Variants in DNM2 observed in about 807,000 individuals in gnomAD.
DNM2 encodes dynamin 2.
In DNM2, 15 loss-of-function variants were observed where a neutral mutation model predicts 99.0. The ratio of observed to expected loss-of-function variants is 0.15; its 90% CI spans 0.10 to 0.23. The LOEUF is 0.23. Among genes scored for constraint, DNM2 ranks in the 10% least tolerant of loss-of-function variants. DNM2 has a pLI of 1.00. For missense variants in DNM2, 742 were observed against 1,189.4 expected (o/e 0.62, Z 5.53); for synonymous variants, 525 against 481.2 (o/e 1.09, Z -1.19).
chr19:10,787,774 G>A (rs1159295653), intron 7 of DNM2, among the ~76,000 whole-genome samples: 1 of 132,888 alleles, frequency 7.5e-6, no homozygotes, highest in Non-Finnish European at 1.6e-5. Flanking sequence ...AAAAAAAATT[G>A]CAAAATTATC....
At chr19:10,740,983 G>A (rs2069723845) in intron 1 of DNM2, among the ~76,000 whole-genome samples, 2 of 152,106 alleles carry the variant, frequency 1.3e-5, no homozygotes, top group African/African-American at 4.8e-5. Context: ...ATGTTTTATG[G>A]CTTGGCCTCG....
Position 10,775,726 on chromosome 19 carries a change from C to G in DNM2, c.409C>G (p.Leu137Val). The change falls in exon 4 of 21, where the codon CTC becomes GTC. Residue 137 changes from leucine to valine, a missense_variant. Around this residue, in one of 7 missense-constraint regions of DNM2, gnomAD observed 192 missense variants for 358.9 expected, o/e 0.54. Coordinates refer to ENST00000389253, the MANE Select transcript of DNM2 (RefSeq NM_001005361.3). The surrounding 1 kb of genome is among the most constrained non-coding windows in gnomAD (Gnocchi z 4.3). Reference sequence around the variant, plus strand: ...AGTGTTGAACTTGACCCTCATCGACCTCCCGGGTATCACCAAGGTGCCTGT... The same window carrying G: ...AGTGTTGAACTTGACCCTCATCGACGTCCCGGGTATCACCAAGGTGCCTGT... ...PHVLNLTLID[L>V]PGITKVPVGD... The G allele has an allele frequency of 6.2e-7, 1 of 1,614,152 alleles. No individual in the cohort carries two copies.
At chr19:10,724,326 T>C (rs894979203) in intron 1 of DNM2, among the ~76,000 whole-genome samples, 20 of 152,096 alleles carry the variant, frequency 1.3e-4, no homozygotes, top group Admixed American at 3.3e-4. Flanking sequence ...TACAGGCGCC[T>C]GCCACCAGGC....
In DNM2 at chr19:10,724,351, G is replaced by A. The variant is rs187429280; in HGVS notation, c.161+5948G>A. Among the ~76,000 whole-genome samples the A allele has an allele frequency of 4.8e-3, 729 of 152,180 alleles. 18 individuals carry two copies. The South Asian group carries it at 0.074, about 15-fold the overall frequency. On this transcript the variant is annotated intron_variant, in intron 1 of 20. Coordinates refer to ENST00000389253, the MANE Select transcript of DNM2 (RefSeq NM_001005361.3). Reference sequence around the variant, plus strand: ...TGCCACCAGGCCCGGCTAATTTTTTGTATTTTTAGTAGAGATGGAGTTTCA... The same window carrying A: ...TGCCACCAGGCCCGGCTAATTTTTTATATTTTTAGTAGAGATGGAGTTTCA...
At chr19:10,786,756 A>G in intron 7 of DNM2, 50 bp downstream of exon 7, 1 of 1,611,838 alleles carries the variant, frequency 6.2e-7, no homozygotes, top group East Asian at 2.2e-5. Context: ...CCTGCCTTCC[A>G]TCAGCCACAG....
chr19:10,812,076 G>T lies in DNM2; in HGVS notation c.1558-188G>T. ...GTCTGTCCGCCCACCTGCCCAGGTG[G>T]CGCCTCATGTTGGTTTCCTGCTGGA... On this transcript the variant is annotated intron_variant, in intron 14 of 20. Coordinates refer to ENST00000389253, the MANE Select transcript of DNM2 (RefSeq NM_001005361.3). This position sits in a 1 kb window ranked among gnomAD's most constrained non-coding sequence, Gnocchi z 4.0. 1.8e-6 allele frequency: 1 copy of T among 564,816 alleles called. No homozygotes were observed. The highest frequency in any genetic ancestry group is 3.4e-6 in the Non-Finnish European group (1 of 298,248). 35.0% of individuals were successfully genotyped at this position (564,816 alleles called of 1,614,324 possible).
Position 10,795,343 on chromosome 19 carries a change from A to C in DNM2, c.1129-29A>C, listed in dbSNP as rs373886767. 99 of 1,613,992 alleles carry C rather than the reference A, an allele frequency of 6.1e-5. No individual in the cohort carries two copies. The African/African-American group carries it at 1.2e-3, about 20-fold the overall frequency. On this transcript the variant is annotated intron_variant, in intron 8 of 20. Coordinates refer to ENST00000389253, the MANE Select transcript of DNM2 (RefSeq NM_001005361.3). This position sits in a 1 kb window ranked among gnomAD's most constrained non-coding sequence, Gnocchi z 4.2. ...CCACGGGGGCGCCCCGGGTGCCTCC[A>C]TGCATGTGCTTGGTTTGTCTCTTCT...
intron 1 of DNM2, among the ~76,000 whole-genome samples, chr19:10,724,947 G>A (rs967131545): frequency 3.3e-5 from 5 of 152,234 alleles, no homozygotes; most frequent in Non-Finnish European, 7.3e-5. Context: ...ATGAGCCGCG[G>A]GGGCACTGCC....
At chr19:10,791,788 C>G (rs974671187) in intron 7 of DNM2, among the ~76,000 whole-genome samples, 25 of 152,106 alleles carry the variant, frequency 1.6e-4, no homozygotes, top group African/African-American at 5.8e-4. Context: ...GTCCACAATT[C>G]AAATTCTCCA....
At position 10,830,601 on chromosome 19, in the gene DNM2, G is replaced by C. The variant is rs2073308736; in HGVS notation, c.2543+223G>C. ...CTGGTGACTCCGGGGCTCCCAGCTTGCCCTCTGCCTACTGGGGTGTGCCAC... is the reference window on the plus strand; with the variant it reads ...CTGGTGACTCCGGGGCTCCCAGCTTCCCCTCTGCCTACTGGGGTGTGCCAC... On this transcript the variant is annotated intron_variant, in intron 20 of 20. Transcript: ENST00000389253. The surrounding 1 kb of genome is among the most constrained non-coding windows in gnomAD (Gnocchi z 4.8). The C allele has an allele frequency of 6.3e-6, 4 of 630,860 alleles. No homozygotes were observed. The allele number at this position is 630,860 out of a possible 1,614,324, so 39.1% of individuals were successfully genotyped here.
intron 1 of DNM2, among the ~76,000 whole-genome samples, chr19:10,731,379 A>G (rs1328299389): frequency 7.0e-6 from 1 of 143,790 alleles, no homozygotes; most frequent in African/African-American, 2.6e-5. Flanking sequence ...TTTGAGGCAG[A>G]GTCTCACAGT....
At chr19:10,800,376 C>T (rs938147055) in intron 11 of DNM2, among the ~76,000 whole-genome samples, 2 of 152,182 alleles carry the variant, frequency 1.3e-5, no homozygotes, top group Admixed American at 1.3e-4. Flanking sequence ...TCCACCTATG[C>T]CTCATAGCTG....
chr19:10,785,747 T>G (rs544840462), intron 6 of DNM2, among the ~76,000 whole-genome samples: 1 of 152,354 alleles, frequency 6.6e-6, no homozygotes, highest in South Asian at 2.1e-4. Flanking sequence ...TTCTCTGTTG[T>G]AGGACAGATG....
At chr19:10,761,414 C>G (rs554017308) in intron 2 of DNM2, among the ~76,000 whole-genome samples, 7 of 152,030 alleles carry the variant, frequency 4.6e-5, no homozygotes, top group Non-Finnish European at 8.8e-5. Flanking sequence ...TCTTCCCACC[C>G]GAGGCTGACA....
chr19:10,750,233 C>T (rs2070144777), intron 1 of DNM2, among the ~76,000 whole-genome samples: 1 of 152,114 alleles, frequency 6.6e-6, no homozygotes, highest in African/African-American at 2.4e-5. Flanking sequence ...AATCCCGGTG[C>T]TTTGGGAGGC....
At chr19:10,827,576 A>AG (rs2073183873) in intron 18 of DNM2, among the ~76,000 whole-genome samples, 1 of 151,990 alleles carries the variant, frequency 6.6e-6, no homozygotes, top group South Asian at 2.1e-4. Flanking sequence ...TCTAAAAAAA[A>AG]AAAAAGTTGT....
intron 1 of DNM2, among the ~76,000 whole-genome samples, chr19:10,759,274 A>C (rs1420667560): frequency 6.6e-6 from 1 of 152,122 alleles, no homozygotes; most frequent in African/African-American, 2.4e-5. Context: ...CCCCGTTCCC[A>C]CATCCAGGTA....
At chr19:10,771,087 C>T (rs1286246072) in intron 2 of DNM2, among the ~76,000 whole-genome samples, 3 of 152,228 alleles carry the variant, frequency 2.0e-5, no homozygotes, top group Non-Finnish European at 4.4e-5. Context: ...CCACTGTGCC[C>T]AGCCATTTCC....
chr19:10,825,294 G>T (rs1182135989), intron 18 of DNM2, 73 bp downstream of exon 18: 56 of 1,591,840 alleles, frequency 3.5e-5, no homozygotes, highest in Non-Finnish European at 4.8e-5. Context: ...CAGCACTTTG[G>T]GAGGCCAAGG....
Sources: gnomAD v4.1 joint callset for allele counts (sites outside exome capture counted in the v4.1 genomes callset) on GRCh38, gnomAD v4.1.1 for gene constraint, gnomAD v4.1.1 regional missense constraint, Gnocchi (gnomAD v3.1) non-coding constraint, MANE v1.5 for transcripts, NCBI Gene and HGNC (gene_info 2026-07-23, HGNC 2026-07-21) for gene names.